TVP23C: variants seen among roughly 807,000 people sequenced by gnomAD.
TVP23C encodes the protein Golgi apparatus membrane protein TVP23 homolog C.
A neutral mutation model predicts 28.7 loss-of-function variants in TVP23C; 19 were observed. The ratio of observed to expected loss-of-function variants is 0.66; its 90% CI spans 0.46 to 0.97. TVP23C has a LOEUF of 0.97. Among genes scored for constraint, TVP23C ranks in the 50% least tolerant of loss-of-function variants. TVP23C has a pLI of 0.00. For missense variants in TVP23C, 186 were observed against 241.3 expected, an observed-to-expected ratio of 0.77 and a Z score of 1.52; for synonymous variants, 68 against 81.7, an observed-to-expected ratio of 0.83 and a Z score of 0.90.
rs1983324396 is a variant in TVP23C at position 15,539,703 on chromosome 17, G to A, written c.*709C>T. 1 of 985,098 alleles carries A rather than the reference G, an allele frequency of 1.0e-6. No individual in the cohort carries two copies. The highest frequency in any genetic ancestry group is 1.2e-6 in the Non-Finnish European group (1 of 829,880). The allele number at this position is 985,098 out of a possible 1,614,324, so 61.0% of individuals were successfully genotyped here. A position where few individuals can be genotyped will look rare whatever the true frequency, so the allele number is the denominator to read the frequency against. ...TCATCCTGCTGAAAACCCTGATGTT[G>A]AGGTATTATAGTAAAATCCTTATGT... is the stretch of plus-strand genomic sequence containing the variant. On this transcript the variant is annotated 3_prime_UTR_variant, in exon 6 of 6. Coordinates refer to ENST00000518321, the MANE Select transcript of TVP23C (RefSeq NM_001135036.2).
chr17:15,511,615 C>T (rs35699886), intron 5 of TVP23C, among the ~76,000 whole-genome samples: 18,943 of 152,012 alleles, frequency 0.12, 1,283 homozygotes, highest in Middle Eastern at 0.18. Context: ...TTCCATTTTC[C>T]CAGTTTTTTT....
Position 15,538,595 on chromosome 17 carries a change from A to C in TVP23C, c.*1817T>G, listed in dbSNP as rs867772094. 2.6e-5 allele frequency: 26 copies of C among 983,506 alleles called. No individual in the cohort carries two copies. The African/African-American group carries it at 4.2e-4, about 16-fold the overall frequency. The allele number at this position is 983,506 out of a possible 1,614,324, so 60.9% of individuals were successfully genotyped here. ...AACAGAGTGAGACTCTGTCTCAAAA[A>C]AAATAAATAAATAAAAAAGTAGACA... On this transcript the variant is annotated 3_prime_UTR_variant, in exon 6 of 6. Transcript: ENST00000518321.
intron 1 of TVP23C, among the ~76,000 whole-genome samples, chr17:15,558,821 G>A (rs1984248809): frequency 6.8e-6 from 1 of 147,284 alleles, no homozygotes; most frequent in South Asian, 2.2e-4. Context: ...TGCCGCAGTA[G>A]CAACAGGAAA....
chr17:15,555,071 T>G (rs1230473363), intron 2 of TVP23C, among the ~76,000 whole-genome samples: 1 of 152,238 alleles, frequency 6.6e-6, no homozygotes, highest in Non-Finnish European at 1.5e-5. Flanking sequence ...ATAATTGGAT[T>G]TGCTGATTTT....
At chr17:15,505,681 G>A (rs1411793490) in intron 5 of TVP23C, among the ~76,000 whole-genome samples, 1 of 152,216 alleles carries the variant, frequency 6.6e-6, no homozygotes, top group Admixed American at 6.5e-5. Context: ...CCCTCAGCTT[G>A]CAGGGAGGTG....
chr17:15,543,674 C>T lies in TVP23C; in HGVS notation c.462+2111G>A, dbSNP rs751800229. Among the ~76,000 whole-genome samples, 32 of 150,536 alleles carry T rather than the reference C, an allele frequency of 2.1e-4. 2 individuals are homozygous for T. Among genetic ancestry groups the T allele is most frequent in the Non-Finnish European group, 4.0e-4 (27 of 67,276 alleles). ...TTACTTTGTATCATTAACTAACATC[C>T]CCTACTGTATTTTTTACTGTTTATC... On this transcript the variant is annotated intron_variant, in intron 5 of 5. Transcript: ENST00000518321.
rs774271356 is a variant in TVP23C, at chr17:15,502,885, A to G, written c.810T>C (p.His270=). 67 of 1,591,090 alleles carry G rather than the reference A, an allele frequency of 4.2e-5. No homozygotes were observed. The Admixed American group carries it at 1.2e-3, about 28-fold the overall frequency. ...GTTTTTAATGCATTCCGGATGCCAG[A>G]TGAAATTTTGGCCCGGGCTCACCAG... Residue 270 remains histidine (H), a synonymous_variant, in exon 6 of 6, where the codon CAT becomes CAC. Transcript: ENST00000225576.
intron 5 of TVP23C, among the ~76,000 whole-genome samples, chr17:15,523,721 C>T (rs1178217772): frequency 6.6e-6 from 1 of 151,818 alleles, no homozygotes; most frequent in Non-Finnish European, 1.5e-5. Context: ...TCACGCCATT[C>T]TCCTGCCTCA....
downstream of TVP23C, among the ~76,000 whole-genome samples, chr17:15,535,654 C>A (rs1983123880): frequency 6.6e-6 from 1 of 152,200 alleles, no homozygotes; most frequent in African/African-American, 2.4e-5. Context: ...TCGGCAGCAA[C>A]TACAATATTC....
At chr17:15,563,300 C>G (rs1567647405) in intron 1 of TVP23C, 137 bp downstream of exon 1, 3 of 1,468,748 alleles carry the variant, frequency 2.0e-6, no homozygotes, top group Non-Finnish European at 2.7e-6. Context: ...CAACTACCCA[C>G]AGCCCTCCAC....
chr17:15,520,461 G>A (rs185949323), intron 5 of TVP23C, among the ~76,000 whole-genome samples: 2,260 of 142,402 alleles, frequency 0.016, 60 homozygotes, highest in African/African-American at 0.057. Flanking sequence ...TTATCCTATT[G>A]TCAGAAATTG....
intron 5 of TVP23C, among the ~76,000 whole-genome samples, chr17:15,506,021 C>G (rs1335625119): frequency 6.6e-6 from 1 of 152,262 alleles, no homozygotes; most frequent in Non-Finnish European, 1.5e-5. Flanking sequence ...GAGCGCCACC[C>G]CCTGCTCCAC....
chr17:15,521,902 C>T (rs1597512774), intron 5 of TVP23C, among the ~76,000 whole-genome samples: 1 of 152,096 alleles, frequency 6.6e-6, no homozygotes. Context: ...TGTGGCCACC[C>T]GGGGCATGCA....
intron 5 of TVP23C, among the ~76,000 whole-genome samples, chr17:15,529,086 C>G (rs1033740001): frequency 3.9e-5 from 6 of 152,116 alleles, no homozygotes; most frequent in Non-Finnish European, 8.8e-5. Flanking sequence ...TTATCAAGTG[C>G]TTACCGTGTA....
chr17:15,543,406 A>T (rs1177195984), intron 5 of TVP23C, among the ~76,000 whole-genome samples: 1 of 151,424 alleles, frequency 6.6e-6, no homozygotes, highest in Non-Finnish European at 1.5e-5. Context: ...AAAAGAAAAA[A>T]GAAGCATAGT....
At chr17:15,550,878 T>C (rs1983853885) in intron 3 of TVP23C, among the ~76,000 whole-genome samples, 1 of 152,208 alleles carries the variant, frequency 6.6e-6, no homozygotes, top group South Asian at 2.1e-4. Context: ...GTTTGGACTT[T>C]GATTTCTGAC....
At chr17:15,512,884 A>T (rs1431821414) in intron 5 of TVP23C, among the ~76,000 whole-genome samples, 1 of 152,210 alleles carries the variant, frequency 6.6e-6, no homozygotes, top group Admixed American at 6.5e-5. Flanking sequence ...ATCCCCATGG[A>T]GTCCCCCTGC....
At chr17:15,548,313 T>G (rs1169629929) in intron 3 of TVP23C, among the ~76,000 whole-genome samples, 2 of 152,154 alleles carry the variant, frequency 1.3e-5, no homozygotes, top group East Asian at 3.9e-4. Context: ...ATTACAGGCA[T>G]GCGCCATCAT....
intron 5 of TVP23C, among the ~76,000 whole-genome samples, chr17:15,542,182 AG>A (rs1983438714): frequency 6.6e-6 from 1 of 152,244 alleles, no homozygotes; most frequent in Non-Finnish European, 1.5e-5. Flanking sequence ...TACCATCCCC[AG>A]GAACTTATAG....
Sources: allele counts gnomAD v4.1 joint callset (sites outside exome capture counted in the v4.1 genomes callset), GRCh38; gene constraint gnomAD v4.1.1; transcripts MANE v1.5; gene names NCBI Gene and HGNC (gene_info 2026-07-23, HGNC 2026-07-21).